Variants in SPATA6 observed in about 807,000 individuals in gnomAD.
The protein encoded by SPATA6 is spermatogenesis-associated protein 6.
A neutral mutation model predicts 65.3 loss-of-function variants in SPATA6; 56 were observed. The ratio of observed to expected loss-of-function variants is 0.86; its 90% confidence interval spans 0.69 to 1.07. The LOEUF (loss-of-function observed/expected upper bound fraction) is 1.07, where lower values mean the gene tolerates loss of function less well. SPATA6 is among the 50% of genes least tolerant of loss of function. The pLI, the probability that SPATA6 is intolerant of heterozygous loss-of-function variation, is 0.00. For missense variants in SPATA6, 590 were observed against 594.8 expected (o/e 0.99, Z 0.08); for synonymous variants, 199 against 213.2 (o/e 0.93, Z 0.58).
chr1:48,423,462 GA>G (rs575119937), intron 3 of SPATA6, among the ~76,000 whole-genome samples: 1,649 of 96,512 alleles, frequency 0.017, 13 homozygotes, highest in Non-Finnish European at 0.021. Flanking sequence ...ATCTCAAAAA[GA>G]AAAAAAAAAA....
chr1:48,293,604 G>A (rs1644782499), downstream of SPATA6, among the ~76,000 whole-genome samples: 1 of 152,138 alleles, frequency 6.6e-6, no homozygotes, highest in African/African-American at 2.4e-5. Flanking sequence ...TGAGAGTAAT[G>A]CTAAGTTACT....
At chr1:48,426,274 A>C (rs1293069159) in intron 3 of SPATA6, among the ~76,000 whole-genome samples, 1 of 152,212 alleles carries the variant, frequency 6.6e-6, no homozygotes, top group East Asian at 1.9e-4. Flanking sequence ...AATCAATTTG[A>C]AAAAGAGCAG....
the SPATA6 span, among the ~76,000 whole-genome samples, chr1:48,283,309 T>C: frequency 2.6e-5 from 4 of 151,620 alleles, no homozygotes; most frequent in African/African-American, 9.7e-5. Flanking sequence ...ATTGTGCACA[T>C]GTACCCCCAA....
intron 1 of SPATA6, among the ~76,000 whole-genome samples, chr1:48,462,144 T>G (rs1476763618): frequency 4.7e-5 from 7 of 149,982 alleles, no homozygotes; most frequent in African/African-American, 4.9e-5. Context: ...AATTGAACAA[T>G]GAGAACACAT....
intron 1 of SPATA6, among the ~76,000 whole-genome samples, chr1:48,462,759 TAGC>T (rs1657543381): frequency 1.3e-5 from 2 of 152,194 alleles, no homozygotes; most frequent in African/African-American, 4.8e-5. Context: ...CCTTGTTCAC[TAGC>T]TATGATGGTT....
At chr1:48,438,348 T>G (rs1486442935) in intron 3 of SPATA6, among the ~76,000 whole-genome samples, 4 of 152,130 alleles carry the variant, frequency 2.6e-5, no homozygotes, top group Non-Finnish European at 5.9e-5. Flanking sequence ...TTCCTTAGAA[T>G]TTGGGGGCTA....
At chr1:48,378,453 T>C (rs1025355672) in intron 9 of SPATA6, among the ~76,000 whole-genome samples, 1 of 152,210 alleles carries the variant, frequency 6.6e-6, no homozygotes, top group African/African-American at 2.4e-5. Context: ...ATTAGTCTGT[T>C]TTCTCACTGC....
chr1:48,377,264 C>T (rs115992086), intron 9 of SPATA6, among the ~76,000 whole-genome samples: 1,952 of 152,214 alleles, frequency 0.013, 19 homozygotes, highest in Middle Eastern at 0.027. Context: ...TCCCATTGTA[C>T]TTAGGATAAT....
intron 3 of SPATA6, among the ~76,000 whole-genome samples, chr1:48,425,225 C>T (rs1653725385): frequency 6.6e-6 from 1 of 152,102 alleles, no homozygotes; most frequent in Non-Finnish European, 1.5e-5. Context: ...CCAGTTTCTC[C>T]AGTACTATTT....
chr1:48,427,035 C>T (rs565614337), intron 3 of SPATA6, among the ~76,000 whole-genome samples: 1 of 152,072 alleles, frequency 6.6e-6, no homozygotes, highest in South Asian at 2.1e-4. Context: ...AAGTGATCCT[C>T]TGACCTCAGC....
chr1:48,471,875 TG>T (rs1658282712), intron 1 of SPATA6, 82 bp downstream of exon 1: 4 of 1,487,084 alleles, frequency 2.7e-6, no homozygotes, highest in South Asian at 1.2e-5. Context: ...GAAGGAGGTT[TG>T]GGGGTGGTTC....
At chr1:48,429,365 A>C (rs1361256484) in intron 3 of SPATA6, among the ~76,000 whole-genome samples, 1 of 152,202 alleles carries the variant, frequency 6.6e-6, no homozygotes, top group Non-Finnish European at 1.5e-5. Flanking sequence ...AAAATTATAA[A>C]GTGACCATAC....
intron 11 of SPATA6, among the ~76,000 whole-genome samples, chr1:48,309,175 AT>A (rs1645136446): frequency 1.3e-5 from 2 of 152,158 alleles, no homozygotes; most frequent in South Asian, 4.1e-4. Flanking sequence ...AAGGACCATT[AT>A]TTCTCCAAAT....
At chr1:48,380,768 G>A (rs1443041445) in intron 9 of SPATA6, among the ~76,000 whole-genome samples, 1 of 152,152 alleles carries the variant, frequency 6.6e-6, no homozygotes, top group Non-Finnish European at 1.5e-5. Flanking sequence ...GTATGTGTTT[G>A]CATAAATTTT....
At position 48,431,051 on chromosome 1, in the gene SPATA6, C is replaced by T. The variant is rs1012781293; in HGVS notation, c.239-17900G>A. ...CTCATTTTAGGTCTAAAGATGCACACATTTTAAAAGTGAAAGGATGGGAAA... is the reference window on the plus strand; with the variant it reads ...CTCATTTTAGGTCTAAAGATGCACATATTTTAAAAGTGAAAGGATGGGAAA... On this transcript the variant is annotated intron_variant, in intron 3 of 12. Transcript: ENST00000371847. Among the ~76,000 whole-genome samples, 8 of 152,006 alleles carry T rather than the reference C, an allele frequency of 5.3e-5. No individual in the cohort carries two copies. In the East Asian group the frequency reaches 5.8e-4, roughly 11 times the overall value.
chr1:48,368,488 T>G (rs957214620), intron 9 of SPATA6, among the ~76,000 whole-genome samples: 1 of 152,196 alleles, frequency 6.6e-6, no homozygotes, highest in Non-Finnish European at 1.5e-5. Flanking sequence ...GAGACTTTGT[T>G]CGTTTCTTTT....
At chr1:48,388,240 C>CA (rs144410111) in intron 8 of SPATA6, among the ~76,000 whole-genome samples, 4,489 of 147,032 alleles carry the variant, frequency 0.031, 160 homozygotes, top group East Asian at 0.2. Context: ...TGCTTATAAA[C>CA]AAAAAAAAAA....
intron 3 of SPATA6, chr1:48,436,617 G>C (rs1372047443): frequency 3.7e-6 from 6 of 1,613,970 alleles, no homozygotes; most frequent in Non-Finnish European, 4.2e-6. Context: ...AGAGGCATAG[G>C]GCTGTGTATG....
At chr1:48,292,208 T>C (rs1453785793), downstream of SPATA6, among the ~76,000 whole-genome samples, 2 of 152,206 alleles carry the variant, frequency 1.3e-5, no homozygotes, top group Non-Finnish European at 2.9e-5. Flanking sequence ...TAAGAAAAGT[T>C]CTTCACTGAG....
Sources: allele counts gnomAD v4.1 joint callset (sites outside exome capture counted in the v4.1 genomes callset), GRCh38; gene constraint gnomAD v4.1.1; transcripts MANE v1.5; gene names NCBI Gene and HGNC (gene_info 2026-07-23, HGNC 2026-07-21).